OTOG: variants seen among roughly 807,000 people sequenced by gnomAD.
OTOG encodes otogelin.
A neutral mutation model predicts 313.8 loss-of-function variants in OTOG; 296 were observed. The observed-to-expected ratio is 0.94, with a 90% CI of 0.86 to 1.04. The LOEUF (loss-of-function observed/expected upper bound fraction) is 1.04. Ranked by LOEUF, OTOG falls within the 50% of genes least tolerant of loss-of-function variation. OTOG has a pLI of 0.00. For synonymous variants in OTOG, 1,533 were observed against 1,554.9 expected (o/e 0.99, Z 0.33); for missense variants, 3,948 against 3,840.1 (o/e 1.03, Z -0.74).
intron 25 of OTOG, 102 bp downstream of exon 25, chr11:17,591,690 T>C (rs781721448): frequency 3.2e-5 from 46 of 1,427,896 alleles, no homozygotes; most frequent in Middle Eastern, 1.9e-4. Context: ...TGATCGGGGA[T>C]CTAAGCCCTG....
At position 17,562,046 on chromosome 11, in the gene OTOG, A is replaced by AAT. The variant is rs375919593; in HGVS notation, c.1644+264_1644+265dup. ...TTAGGATTTTACTACCTAAAAAAAA[A>AAT]ATATATATATATATATATATATATA... On this transcript the variant is annotated intron_variant, in intron 15 of 55. Coordinates refer to ENST00000399397, the MANE Select transcript of OTOG (RefSeq NM_001292063.2). Among the ~76,000 whole-genome samples the AAT allele has an allele frequency of 0.022, 3,043 of 139,712 alleles. 46 individuals carry two copies. Among genetic ancestry groups the AAT allele is most frequent in the South Asian group, 0.028 (125 of 4,480 alleles). 91.7% of individuals were successfully genotyped at this position (139,712 alleles called of 152,430 possible).
intron 40 of OTOG, 27 bp downstream of exon 40, chr11:17,629,343 G>T: frequency 6.5e-7 from 1 of 1,534,280 alleles, no homozygotes; most frequent in Non-Finnish European, 8.8e-7. Flanking sequence ...CTTGCGGGGA[G>T]GGGATGCTTC....
chr11:17,645,693 G>C, intron 55 of OTOG, 50 bp downstream of exon 55: 2 of 1,550,700 alleles, frequency 1.3e-6, no homozygotes, highest in Non-Finnish European at 1.7e-6. Flanking sequence ...GGATGGAGGG[G>C]GTTTGGGGGT....
chr11:17,550,567 G>T (rs1456826286), intron 3 of OTOG, among the ~76,000 whole-genome samples: 1 of 152,170 alleles, frequency 6.6e-6, no homozygotes, highest in African/African-American at 2.4e-5. Flanking sequence ...TTGCATCACA[G>T]GTTGTCTCAT....
chr11:17,558,655 G>A lies in OTOG; in HGVS notation c.1103+11G>A, dbSNP rs1275403843. ...CAGTGATCTCTGCCAGTGAGTAGGGGTGGTGTGGGCTATGGGGAACCCTCT... is the reference window on the plus strand; with the variant it reads ...CAGTGATCTCTGCCAGTGAGTAGGGATGGTGTGGGCTATGGGGAACCCTCT... On this transcript the variant is annotated intron_variant, in intron 10 of 55. Transcript: ENST00000399397. The A allele has an allele frequency of 3.9e-6, 6 of 1,548,074 alleles. No homozygotes were observed. Among genetic ancestry groups the A allele is most frequent in the Non-Finnish European group, 5.2e-6 (6 of 1,146,582 alleles).
rs371682184 is a variant in OTOG, at chr11:17,638,558, G to A, written c.7894+9G>A. 19 of 1,549,328 alleles carry A rather than the reference G, an allele frequency of 1.2e-5. No individual in the cohort carries two copies. Among genetic ancestry groups the A allele is most frequent in the East Asian group, 4.9e-5 (2 of 40,922 alleles). On this transcript the variant is annotated intron_variant, in intron 48 of 55. Coordinates refer to ENST00000399397, the MANE Select transcript of OTOG (RefSeq NM_001292063.2). ...CCCCTACAAATCCTGTGGTGAGTCCGTGGTCAGGACAGCCTCCCCGCTGGG... is the reference window on the plus strand; with the variant it reads ...CCCCTACAAATCCTGTGGTGAGTCCATGGTCAGGACAGCCTCCCCGCTGGG...
In OTOG at chr11:17,612,206, C is replaced by A; in HGVS notation, c.6168C>A (p.Gly2056=). The change falls in exon 37 of 56, where the codon GGC becomes GGA. Residue 2056 remains glycine, a synonymous_variant. Coordinates refer to ENST00000399397, the MANE Select transcript of OTOG (RefSeq NM_001292063.2). ...GCGTCCGCCACATCTGCCTGGAGGG[C>A]CAGCTGATTCGCGTGAATCAGTCCC... is the stretch of plus-strand genomic sequence containing the variant. The part of the protein sequence containing the change: ...QDCVRHICLE[G]QLIRVNQSQH... 6.5e-7 allele frequency: 1 copy of A among 1,549,790 alleles called. No individual in the cohort carries two copies. Among genetic ancestry groups the A allele is most frequent in the Admixed American group, 2.0e-5 (1 of 51,004 alleles).
At chr11:17,570,104 C>T (rs947992160) in intron 16 of OTOG, 109 bp from the exon 17 acceptor site, 17 of 1,028,778 alleles carry the variant, frequency 1.7e-5, no homozygotes, top group Non-Finnish European at 2.1e-5. Context: ...AGGCAGGGGG[C>T]GAAGACTGGG....
intron 8 of OTOG, 32 bp downstream of exon 8, chr11:17,557,355 G>A: frequency 1.3e-6 from 2 of 1,533,068 alleles, no homozygotes; most frequent in East Asian, 2.5e-5. Flanking sequence ...TCTGAGGGGT[G>A]TTGGTGGGGA....
chr11:17,619,880 T>A (rs1010088216), intron 39 of OTOG, among the ~76,000 whole-genome samples: 1 of 152,220 alleles, frequency 6.6e-6, no homozygotes, highest in Admixed American at 6.5e-5. Context: ...GCATCTGGTA[T>A]CATTTTTCTT....
At chr11:17,596,798 A>C in intron 29 of OTOG, 53 bp from the exon 30 acceptor site, 1 of 1,479,458 alleles carries the variant, frequency 6.8e-7, no homozygotes, top group African/African-American at 1.4e-5. Context: ...GAAAAGATGC[A>C]GATCTGACAT....
At chr11:17,631,982 A>G in intron 41 of OTOG, 60 bp downstream of exon 41, 1 of 1,542,112 alleles carries the variant, frequency 6.5e-7, no homozygotes, top group Non-Finnish European at 8.8e-7. Context: ...GGATGGCAGC[A>G]CCTACCTGCA....
rs1435622202 is a variant in OTOG, at chr11:17,633,826, A to G, written c.7219A>G (p.Ile2407Val). The change falls in exon 43 of 56, where the codon ATC becomes GTC. Residue 2407 changes from isoleucine to valine, a missense_variant. Transcript: ENST00000399397. ...GEGCVCSEGT[I>V]LHRRHSALCI... ...GGGCTGCGTCTGCTCCGAGGGCACC[A>G]TCTTACACCGGCGCCACTCTGCACT... 6 of 1,549,894 alleles carry G rather than the reference A, an allele frequency of 3.9e-6. No homozygotes were observed. Among genetic ancestry groups the G allele is most frequent in the East Asian group, 2.4e-5 (1 of 40,922 alleles).
At chr11:17,612,387 T>C in intron 37 of OTOG, 57 bp downstream of exon 37, 4 of 1,476,764 alleles carry the variant, frequency 2.7e-6, no homozygotes, top group Non-Finnish European at 3.6e-6. Flanking sequence ...TACCCCAGCA[T>C]GACCGCCATC....
chr11:17,591,647 G>C, intron 25 of OTOG, 59 bp downstream of exon 25: 3 of 1,538,908 alleles, frequency 1.9e-6, no homozygotes, highest in Non-Finnish European at 2.6e-6. Context: ...GGGCACTCTG[G>C]TGCTCTGGAC....
Position 17,608,320 on chromosome 11 carries a change from A to T in OTOG, c.4181A>T (p.Tyr1394Phe), listed in dbSNP as rs912678531. 3.0e-5 allele frequency: 46 copies of T among 1,543,292 alleles called. No homozygotes were observed. Among genetic ancestry groups the T allele is most frequent in the Non-Finnish European group, 3.9e-5 (45 of 1,143,954 alleles). Reference protein sequence around the residue: ...LLDAKPSGAAYPICEWRYDAC... With the variant: ...LLDAKPSGAAFPICEWRYDAC... ...GATGCCAAGCCCTCGGGGGCTGCCT[A>T]CCCCATCTGCGAGTGGCGCTACGAT... The change falls in exon 34 of 56, where the codon TAC (tyrosine) becomes TTC (phenylalanine). Residue 1394 changes from tyrosine to phenylalanine, a missense_variant. Tyr to Phe is a conservative substitution (Grantham distance 22). Transcript: ENST00000399397.
At chr11:17,569,040 C>A in intron 15 of OTOG, 116 bp from the exon 16 acceptor site, 1 of 1,238,278 alleles carries the variant, frequency 8.1e-7, no homozygotes, top group Non-Finnish European at 1.1e-6. Context: ...CTCTGTCTGT[C>A]ATTCTGAGGA....
Position 17,586,529 on chromosome 11 carries a change from AAG to A in OTOG, c.2816_2817del (p.Lys939ArgfsTer47). 1 of 1,453,924 alleles carries A rather than the reference AAG, an allele frequency of 6.9e-7. No homozygotes were observed. The highest frequency in any genetic ancestry group is 9.1e-7 in the Non-Finnish European group (1 of 1,098,392). 90.1% of individuals were successfully genotyped at this position (1,453,924 alleles called of 1,614,324 possible). ...FLPEECPCTW[K>X]GKEYFPGDQV... ...GCCAGAGGAGTGCCCCTGCACTTGGAAGGGGAAGGAGTATTTCCCTGGGGACC... is the reference window on the plus strand; with the variant it reads ...GCCAGAGGAGTGCCCCTGCACTTGGAGGGAAGGAGTATTTCCCTGGGGACC... On this transcript the variant is annotated frameshift_variant, in exon 24 of 56. Coordinates refer to ENST00000399397, the MANE Select transcript of OTOG (RefSeq NM_001292063.2). LOFTEE classifies it high-confidence loss of function.
chr11:17,556,178 A>G lies in OTOG; in HGVS notation c.659+281A>G, dbSNP rs954570946. ...TCCAGTGAGTTGAGAGTTTATCATG[A>G]TAAGCATGCTTACTTTTCCCTCCCA... On this transcript the variant is annotated intron_variant, in intron 7 of 55. Transcript: ENST00000399397. 9.2e-5 allele frequency among the ~76,000 whole-genome samples: 14 copies of G among 152,266 alleles called. No individual in the cohort carries two copies. In the East Asian group the frequency reaches 2.7e-3, roughly 29 times the overall value.
Sources: gnomAD v4.1 joint callset for allele counts (sites outside exome capture counted in the v4.1 genomes callset) on GRCh38, gnomAD v4.1.1 for gene constraint, MANE v1.5 for transcripts, NCBI Gene and HGNC (gene_info 2026-07-23, HGNC 2026-07-21) for gene names.